KCNIP1: variants seen among roughly 807,000 people sequenced by gnomAD.
KCNIP1 encodes A-type potassium channel modulatory protein KCNIP1.
In KCNIP1, 18 loss-of-function variants were observed where a neutral mutation model predicts 33.0. That is an observed-to-expected ratio of 0.55 (90% CI 0.38 to 0.81). The LOEUF (loss-of-function observed/expected upper bound fraction) is 0.81, where lower values mean the gene tolerates loss of function less well. Among genes scored for constraint, KCNIP1 ranks in the 30% least tolerant of loss-of-function variants. The probability of loss-of-function intolerance (pLI) is 0.00; values close to 1 mark genes in which losing one functional copy is unlikely to be tolerated. For synonymous variants in KCNIP1, 93 were observed against 98.3 expected, an observed-to-expected ratio of 0.95 and a Z score of 0.32; for missense variants, 238 against 271.6, an observed-to-expected ratio of 0.88 and a Z score of 0.87.
In KCNIP1 at chr5:170,667,312, CA is replaced by C. The variant is rs35041879; in HGVS notation, c.62-51432del. ...GAGCAACAAGAGTGAAACTCCGTCT[CA>C]AAAAAAAAAAAAAGTAAAAACTGTC... is the stretch of plus-strand genomic sequence containing the variant. On this transcript the variant is annotated intron_variant, in intron 1 of 7. Transcript: ENST00000328939. Among the ~76,000 whole-genome samples the C allele has an allele frequency of 7.6e-3, 1,037 of 136,650 alleles. 7 individuals are homozygous for C. The highest frequency in any genetic ancestry group is 0.023 in the African/African-American group (845 of 37,446). 89.6% of individuals were successfully genotyped at this position (136,650 alleles called of 152,430 possible).
At chr5:170,714,683 G>C (rs953966531) in intron 1 of KCNIP1, among the ~76,000 whole-genome samples, 3 of 152,002 alleles carry the variant, frequency 2.0e-5, no homozygotes, top group Admixed American at 1.3e-4. Context: ...TTTAAAAAAA[G>C]GGTTTTAAAA....
chr5:170,712,769 G>A, intron 1 of KCNIP1: 1 of 1,293,808 alleles, frequency 7.7e-7, no homozygotes, highest in Non-Finnish European at 1.1e-6. Context: ...GACACCCTCA[G>A]AGCGGCCTCT....
intron 1 of KCNIP1, chr5:170,483,222 G>A: frequency 5.4e-6 from 2 of 371,346 alleles, no homozygotes; most frequent in Non-Finnish European, 1.0e-5. Flanking sequence ...AGGAACCCAG[G>A]GTGGTGGGAA....
intron 1 of KCNIP1, among the ~76,000 whole-genome samples, chr5:170,446,253 C>A (rs1756113463): frequency 6.6e-6 from 1 of 152,166 alleles, no homozygotes. Flanking sequence ...AAATCCATTT[C>A]TGAAGGTTGC....
At chr5:170,520,091 T>A (rs2113301827) in intron 1 of KCNIP1, among the ~76,000 whole-genome samples, 1 of 152,140 alleles carries the variant, frequency 6.6e-6, no homozygotes, top group South Asian at 2.1e-4. Flanking sequence ...CCTTAAAGGG[T>A]GTTTGGTGTG....
At chr5:170,694,255 C>A (rs6888488) in intron 1 of KCNIP1, among the ~76,000 whole-genome samples, 3,959 of 152,242 alleles carry the variant, frequency 0.026, 86 homozygotes, top group Non-Finnish European at 0.04. Context: ...ATAGCCATCC[C>A]ATCTTAAAGT....
intron 1 of KCNIP1, among the ~76,000 whole-genome samples, chr5:170,418,404 G>C (rs1581173633): frequency 6.6e-6 from 1 of 152,246 alleles, no homozygotes; most frequent in East Asian, 1.9e-4. Context: ...GCTCCAGCCT[G>C]GGCTACAAAG....
chr5:170,462,082 G>C (rs559698475), intron 1 of KCNIP1, among the ~76,000 whole-genome samples: 1 of 151,996 alleles, frequency 6.6e-6, no homozygotes, highest in Non-Finnish European at 1.5e-5. Context: ...AGAACCAAAA[G>C]CAAATGCAAT....
chr5:170,721,172 G>A (rs932377187), intron 3 of KCNIP1, among the ~76,000 whole-genome samples: 4 of 152,170 alleles, frequency 2.6e-5, no homozygotes, highest in Non-Finnish European at 4.4e-5. Flanking sequence ...TTTCTCATGG[G>A]CCTTTTTGGC....
intron 1 of KCNIP1, among the ~76,000 whole-genome samples, chr5:170,354,641 A>G (rs898479543): frequency 5.3e-5 from 8 of 152,206 alleles, no homozygotes; most frequent in African/African-American, 1.4e-4. Context: ...GGCAGATCAG[A>G]AAGTGTGGCT....
At chr5:170,551,491 T>G (rs1254796293) in intron 1 of KCNIP1, among the ~76,000 whole-genome samples, 1 of 152,250 alleles carries the variant, frequency 6.6e-6, no homozygotes, top group Non-Finnish European at 1.5e-5. Flanking sequence ...CCAGGTTCTG[T>G]GTTGCCCACA....
At chr5:170,503,724 TCACA>T (rs70979180), upstream of KCNIP1, among the ~76,000 whole-genome samples, 2,403 of 136,520 alleles carry the variant, frequency 0.018, 32 homozygotes, top group African/African-American at 0.033. Context: ...CGCACGCACA[TCACA>T]CACACACACA....
chr5:170,525,129 C>T (rs887300474), intron 1 of KCNIP1, among the ~76,000 whole-genome samples: 1 of 152,154 alleles, frequency 6.6e-6, no homozygotes, highest in East Asian at 1.9e-4. Flanking sequence ...GACCAGGATA[C>T]GTGGAAAGAA....
At chr5:170,696,365 A>AAT (rs70979198) in intron 1 of KCNIP1, among the ~76,000 whole-genome samples, 106,676 of 151,994 alleles carry the variant, frequency 0.7, 38,799 homozygotes, top group East Asian at 0.94. Context: ...GAGCTCAACA[A>AAT]ATTTGTTAAA....
chr5:170,729,127 A>G (rs998857874), intron 5 of KCNIP1, among the ~76,000 whole-genome samples: 3 of 152,078 alleles, frequency 2.0e-5, no homozygotes, highest in African/African-American at 7.2e-5. Flanking sequence ...CAAAATCACT[A>G]TAGATATGTA....
At chr5:170,697,847 T>C (rs1036706024) in intron 1 of KCNIP1, among the ~76,000 whole-genome samples, 1 of 152,074 alleles carries the variant, frequency 6.6e-6, no homozygotes, top group African/African-American at 2.4e-5. Flanking sequence ...CCTTCCCCAA[T>C]GGCCTTGGGA....
intron 1 of KCNIP1, among the ~76,000 whole-genome samples, chr5:170,472,195 C>T (rs1335362722): frequency 6.6e-6 from 1 of 152,236 alleles, no homozygotes; most frequent in Admixed American, 6.5e-5. Context: ...TGGGCCTCAG[C>T]TGTCTCATGT....
intron 1 of KCNIP1, among the ~76,000 whole-genome samples, chr5:170,714,828 G>GA (rs906612170): frequency 5.3e-4 from 80 of 151,268 alleles, no homozygotes; most frequent in African/African-American, 1.8e-3. Flanking sequence ...CCAAAAGTTT[G>GA]AAAAAAAACC....
intron 1 of KCNIP1, among the ~76,000 whole-genome samples, chr5:170,355,766 A>C (rs1418524000): frequency 6.6e-6 from 1 of 152,240 alleles, no homozygotes; most frequent in Non-Finnish European, 1.5e-5. Flanking sequence ...CTCTCTGCTC[A>C]GAATCCCAGA....
Sources: gnomAD v4.1 joint callset for allele counts (sites outside exome capture counted in the v4.1 genomes callset) on GRCh38, gnomAD v4.1.1 for gene constraint, MANE v1.5 for transcripts, NCBI Gene and HGNC (gene_info 2026-07-23, HGNC 2026-07-21) for gene names.